ADGRB1: variants seen among roughly 807,000 people sequenced by gnomAD.
The protein encoded by ADGRB1 is adhesion G protein-coupled receptor B1.
Under a neutral mutation model 175.7 loss-of-function variants are expected in ADGRB1, and 36 were observed. The observed-to-expected ratio is 0.20, with a 90% CI of 0.16 to 0.27. The LOEUF (loss-of-function observed/expected upper bound fraction) is 0.27, where lower values mean the gene tolerates loss of function less well. ADGRB1 is among the 10% of genes least tolerant of loss of function. ADGRB1 has a pLI of 1.00. For missense variants in ADGRB1, 1,731 were observed against 2,255.3 expected, an observed-to-expected ratio of 0.77 and a Z score of 4.71; for synonymous variants, 1,054 against 979.4, an observed-to-expected ratio of 1.08 and a Z score of -1.42.
chr8:142,512,082 G>T (rs1189546924), intron 18 of ADGRB1, among the ~76,000 whole-genome samples: 2 of 152,244 alleles, frequency 1.3e-5, no homozygotes, highest in Non-Finnish European at 2.9e-5. Context: ...TGGCAGCTGG[G>T]GTCTCCCACA....
intron 2 of ADGRB1, among the ~76,000 whole-genome samples, chr8:142,465,491 T>A (rs1840226776): frequency 6.7e-6 from 1 of 149,986 alleles, no homozygotes; most frequent in Admixed American, 6.7e-5. Flanking sequence ...GTGGGCTCTG[T>A]GGAGACGTGG....
intron 18 of ADGRB1, among the ~76,000 whole-genome samples, chr8:142,513,563 G>A (rs1006260880): frequency 6.6e-6 from 1 of 152,204 alleles, no homozygotes; most frequent in Non-Finnish European, 1.5e-5. Context: ...GAGGGCTGTG[G>A]GCTGGGGTGC....
chr8:142,494,347 C>G (rs1182659713), intron 17 of ADGRB1, among the ~76,000 whole-genome samples: 1 of 151,988 alleles, frequency 6.6e-6, no homozygotes, highest in Admixed American at 6.6e-5. Flanking sequence ...TGGCCCAGTT[C>G]ATACATTGAG....
At position 142,478,305 on chromosome 8, in the gene ADGRB1, G is replaced by A. The variant is rs774061797; in HGVS notation, c.1506G>A (p.Ala502=). 31 of 1,610,230 alleles carry A rather than the reference G, an allele frequency of 1.9e-5. No homozygotes were observed. The East Asian group carries it at 2.0e-4, about 10-fold the overall frequency. The change falls in exon 7 of 31, where the codon GCG becomes GCA. Residue 502 remains alanine, a synonymous_variant. Coordinates refer to ENST00000517894, the MANE Select transcript of ADGRB1 (RefSeq NM_001702.3). Reference sequence around the variant, plus strand: ...GCAACGGGCCTTCCTACGGGGGTGCGGAGTGCCAGGGCCACTGGGTGGAGA... The same window carrying A: ...GCAACGGGCCTTCCTACGGGGGTGCAGAGTGCCAGGGCCACTGGGTGGAGA... The part of the protein sequence containing the change: ...RECNGPSYGG[A]ECQGHWVETR...
At chr8:142,530,955 C>T (rs1844590346) in intron 24 of ADGRB1, among the ~76,000 whole-genome samples, 1 of 152,232 alleles carries the variant, frequency 6.6e-6, no homozygotes, top group Non-Finnish European at 1.5e-5. Context: ...GGCTGAGCTG[C>T]TGTGTGGGAG....
intron 19 of ADGRB1, 136 bp downstream of exon 19, chr8:142,518,377 G>A (rs1843573128): frequency 1.2e-5 from 10 of 864,250 alleles, no homozygotes; most frequent in Non-Finnish European, 1.6e-5. Flanking sequence ...CTCCGCATTT[G>A]CCACGGAACC....
intron 11 of ADGRB1, among the ~76,000 whole-genome samples, chr8:142,482,408 C>A (rs1422669155): frequency 6.7e-6 from 1 of 150,032 alleles, no homozygotes; most frequent in African/African-American, 2.5e-5. Context: ...AACCCTGACA[C>A]TGGTCACCCA....
intron 24 of ADGRB1, among the ~76,000 whole-genome samples, chr8:142,530,124 AGTGT>A (rs950302101): frequency 1.3e-5 from 2 of 151,624 alleles, no homozygotes; most frequent in African/African-American, 4.8e-5. Context: ...TGTGTGTATA[AGTGT>A]GAGTGTGTAT....
Position 142,517,994 on chromosome 8 carries a change from G to A in ADGRB1, c.2818-144G>A. Reference sequence around the variant, plus strand: ...TAGAGGAAACCCCTCGTCTGCAGGGGGCGGGTGGGGAGGTGGAGGAGGGGC... The same window carrying A: ...TAGAGGAAACCCCTCGTCTGCAGGGAGCGGGTGGGGAGGTGGAGGAGGGGC... On this transcript the variant is annotated intron_variant, in intron 18 of 30. Coordinates refer to ENST00000517894, the MANE Select transcript of ADGRB1 (RefSeq NM_001702.3). 4.5e-6 allele frequency: 3 copies of A among 663,248 alleles called. 1 individual carries two copies. Among genetic ancestry groups the A allele is most frequent in the South Asian group, 3.7e-5 (2 of 54,606 alleles). The allele number at this position is 663,248 out of a possible 1,614,324, so 41.1% of individuals were successfully genotyped here. A position where few individuals can be genotyped will look rare whatever the true frequency, so the allele number is the denominator to read the frequency against.
chr8:142,487,600 C>T (rs1009748382), intron 13 of ADGRB1, among the ~76,000 whole-genome samples: 4 of 152,214 alleles, frequency 2.6e-5, no homozygotes, highest in East Asian at 1.9e-4. Context: ...GCTGAGGCCA[C>T]GGCCCCAGGG....
In ADGRB1 at chr8:142,484,065, C is replaced by G. The variant is rs767173619; in HGVS notation, c.2199+20C>G. 1.2e-6 allele frequency: 2 copies of G among 1,601,872 alleles called. No individual in the cohort carries two copies. The highest frequency in any genetic ancestry group is 2.2e-5 in the East Asian group (1 of 44,528). ...CAGCTGGTAGGGCCTGGGGCCCCTA[C>G]GGTCAGCAGCCTCAGGAGGGGTGCA... On this transcript the variant is annotated intron_variant, in intron 12 of 30. Transcript: ENST00000517894.
intron 2 of ADGRB1, among the ~76,000 whole-genome samples, chr8:142,473,425 T>TG (rs1478531600): frequency 6.6e-6 from 1 of 152,186 alleles, no homozygotes; most frequent in African/African-American, 2.4e-5. Flanking sequence ...GGCCTTAGTC[T>TG]GGGGGATGGG....
chr8:142,456,055 G>A (rs1294827719), intron 1 of ADGRB1, among the ~76,000 whole-genome samples: 1 of 152,088 alleles, frequency 6.6e-6, no homozygotes, highest in Non-Finnish European at 1.5e-5. Flanking sequence ...CCAGAGGAAC[G>A]CATTTCAATG....
intron 18 of ADGRB1, among the ~76,000 whole-genome samples, chr8:142,512,888 T>C (rs1843179414): frequency 6.6e-6 from 1 of 151,318 alleles, no homozygotes; most frequent in Admixed American, 6.6e-5. Context: ...GCCTTGATGC[T>C]GAGGGGCCTT....
chr8:142,490,425 C>A (rs1292290284), intron 16 of ADGRB1, among the ~76,000 whole-genome samples: 2 of 152,198 alleles, frequency 1.3e-5, no homozygotes, highest in Non-Finnish European at 2.9e-5. Flanking sequence ...CCCGGTGACC[C>A]CTGCTCACTA....
In ADGRB1 at chr8:142,534,216, C is replaced by T. The variant is rs576343986; in HGVS notation, c.3570+750C>T. Among the ~76,000 whole-genome samples the T allele has an allele frequency of 7.9e-5, 12 of 152,342 alleles. No individual in the cohort carries two copies. The East Asian group carries it at 1.5e-3, about 20-fold the overall frequency. ...CTTCGGCCAGCTGCAAGGAGCCAGA[C>T]GGTGTCAGGAGTGGGGCCCGCCCCC... is the stretch of plus-strand genomic sequence containing the variant. On this transcript the variant is annotated intron_variant, in intron 25 of 30. Coordinates refer to ENST00000517894, the MANE Select transcript of ADGRB1 (RefSeq NM_001702.3).
chr8:142,521,306 T>A (rs1219681147), intron 20 of ADGRB1, among the ~76,000 whole-genome samples: 1 of 152,050 alleles, frequency 6.6e-6, no homozygotes, highest in Non-Finnish European at 1.5e-5. Flanking sequence ...CGGTCCACCC[T>A]CTCACCCCTA....
chr8:142,521,599 G>T (rs77248631), intron 20 of ADGRB1, among the ~76,000 whole-genome samples: 1,837 of 152,348 alleles, frequency 0.012, 30 homozygotes, highest in East Asian at 0.043. Context: ...GGTTGCCTGC[G>T]ACTTGCTGTG....
intron 19 of ADGRB1, among the ~76,000 whole-genome samples, chr8:142,518,746 C>T (rs370107957): frequency 1.6e-4 from 24 of 152,366 alleles, no homozygotes; most frequent in African/African-American, 5.8e-4. Flanking sequence ...CGTGTTTGAG[C>T]AGTAACATGC....
Sources: allele counts gnomAD v4.1 joint callset (sites outside exome capture counted in the v4.1 genomes callset), GRCh38; gene constraint gnomAD v4.1.1; transcripts MANE v1.5; gene names NCBI Gene and HGNC (gene_info 2026-07-23, HGNC 2026-07-21).